Variants in TBX5 observed in about 807,000 individuals in gnomAD.
The protein encoded by TBX5 is T-box transcription factor TBX5.
A neutral mutation model predicts 51.1 loss-of-function variants in TBX5; 8 were observed. That is an observed-to-expected ratio of 0.16 (90% CI 0.09 to 0.28). The LOEUF (loss-of-function observed/expected upper bound fraction) is 0.28, where lower values mean the gene tolerates loss of function less well. Ranked by LOEUF, TBX5 falls within the 10% of genes least tolerant of loss-of-function variation. The probability of loss-of-function intolerance (pLI) is 1.00; values close to 1 mark genes in which losing one functional copy is unlikely to be tolerated. For synonymous variants in TBX5, 302 were observed against 266.4 expected (o/e 1.13, Z -1.30); for missense variants, 589 against 671.7 (o/e 0.88, Z 1.36).
chr12:114,396,024 G>A (rs1376357228), intron 5 of TBX5, among the ~76,000 whole-genome samples: 2 of 152,110 alleles, frequency 1.3e-5, no homozygotes, highest in Admixed American at 6.5e-5. Flanking sequence ...GCTTTTTCCC[G>A]GGAACTGCGG....
chr12:114,378,752 T>C (rs1870346038), intron 7 of TBX5, among the ~76,000 whole-genome samples: 1 of 152,128 alleles, frequency 6.6e-6, no homozygotes, highest in Non-Finnish European at 1.5e-5. Flanking sequence ...TGCTCCCACC[T>C]CAGACTCCCA....
chr12:114,382,908 T>C (rs529295649), intron 7 of TBX5, among the ~76,000 whole-genome samples: 1 of 147,180 alleles, frequency 6.8e-6, no homozygotes, highest in East Asian at 2.0e-4. Context: ...CCTGTGGATG[T>C]CAGGGCTGCA....
chr12:114,401,134 T>G (rs1565942172), intron 3 of TBX5, among the ~76,000 whole-genome samples: 1 of 152,144 alleles, frequency 6.6e-6, no homozygotes, highest in Non-Finnish European at 1.5e-5. Context: ...ACCACTCTCC[T>G]TCCTCCTCCC....
chr12:114,354,260 C>G lies in TBX5; in HGVS notation c.*1272G>C, dbSNP rs1243399134. ...TTGAGTATCAATAAAATTAAAAGCT[C>G]TTGGCCAGCTCCTATGCTGGGTTTC... On this transcript the variant is annotated 3_prime_UTR_variant, in exon 9 of 9. Coordinates refer to ENST00000405440, the MANE Select transcript of TBX5 (RefSeq NM_181486.4). The G allele has an allele frequency of 6.6e-6, 1 of 152,270 alleles. No individual in the cohort carries two copies. Among genetic ancestry groups the G allele is most frequent in the Non-Finnish European group, 1.5e-5 (1 of 68,004 alleles). The allele number at this position is 152,270 out of a possible 1,614,324, so 9.4% of individuals were successfully genotyped here.
rs1565927596 is a variant in TBX5, at chr12:114,366,155, T to C, written c.982+10A>G. On this transcript the variant is annotated intron_variant, in intron 8 of 8. Transcript: ENST00000405440. ...AAGAAAGCAAATTGACCAGGGGTGATCACACTCACCTTTCCTCTTGGTACA... is the reference window on the plus strand; with the variant it reads ...AAGAAAGCAAATTGACCAGGGGTGACCACACTCACCTTTCCTCTTGGTACA... The C allele has an allele frequency of 2.5e-6, 4 of 1,613,070 alleles. No homozygotes were observed. Among genetic ancestry groups the C allele is most frequent in the Non-Finnish European group, 3.4e-6 (4 of 1,179,020 alleles).
intron 6 of TBX5, among the ~76,000 whole-genome samples, chr12:114,391,451 A>G (rs971164099): frequency 6.6e-6 from 1 of 152,222 alleles, no homozygotes; most frequent in Non-Finnish European, 1.5e-5. Context: ...TAGTCAATCA[A>G]TGGTCCATCA....
At chr12:114,404,200 C>T (rs1213058115) in intron 1 of TBX5, among the ~76,000 whole-genome samples, 2 of 152,132 alleles carry the variant, frequency 1.3e-5, no homozygotes, top group Non-Finnish European at 2.9e-5. Context: ...GAAGGTGAGG[C>T]CCGCATCTCC....
chr12:114,402,335 G>A (rs906685935), intron 2 of TBX5, among the ~76,000 whole-genome samples: 1 of 151,904 alleles, frequency 6.6e-6, no homozygotes, highest in Non-Finnish European at 1.5e-5. Context: ...TGGGTGGGGG[G>A]GATAGATAAA....
Position 114,363,588 on chromosome 12 carries a change from T to G in TBX5, c.982+2577A>C, listed in dbSNP as rs550715075. 1.0e-3 allele frequency among the ~76,000 whole-genome samples: 156 copies of G among 152,302 alleles called. 1 individual carries two copies. Among genetic ancestry groups the G allele is most frequent in the African/African-American group, 3.6e-3 (150 of 41,566 alleles). On this transcript the variant is annotated intron_variant, in intron 8 of 8. Coordinates refer to ENST00000405440, the MANE Select transcript of TBX5 (RefSeq NM_181486.4). Reference sequence around the variant, plus strand: ...TTTGACCCAGTCTCAAAGACAGATCTTCAGTGGAAAATGAAATTTTGAGAT... The same window carrying G: ...TTTGACCCAGTCTCAAAGACAGATCGTCAGTGGAAAATGAAATTTTGAGAT...
At position 114,390,269 on chromosome 12, in the gene TBX5, C is replaced by G. The variant is rs533963019; in HGVS notation, c.663+4472G>C. Among the ~76,000 whole-genome samples the G allele has an allele frequency of 3.1e-4, 47 of 152,358 alleles. 1 individual carries two copies. Among genetic ancestry groups the G allele is most frequent in the Non-Finnish European group, 6.0e-4 (41 of 68,040 alleles). ...GTCAAAATATCTGTCCACTCACATA[C>G]TGTAACCATGTTTATAAAGTTCCCT... is the stretch of plus-strand genomic sequence containing the variant. On this transcript the variant is annotated intron_variant, in intron 6 of 8. Transcript: ENST00000405440.
chr12:114,377,618 G>A (rs141010257), intron 7 of TBX5, among the ~76,000 whole-genome samples: 2,435 of 142,670 alleles, frequency 0.017, 34 homozygotes, highest in South Asian at 0.043. Context: ...ATCTTCCTAC[G>A]TTGCTCTGGC....
intron 7 of TBX5, among the ~76,000 whole-genome samples, chr12:114,372,101 G>T (rs1321611752): frequency 2.6e-5 from 4 of 152,226 alleles, no homozygotes; most frequent in Non-Finnish European, 4.4e-5. Context: ...GGCTCCGACG[G>T]GTGGGAGGTG....
At chr12:114,390,240 G>A (rs1242084847) in intron 6 of TBX5, among the ~76,000 whole-genome samples, 3 of 152,216 alleles carry the variant, frequency 2.0e-5, no homozygotes, top group Non-Finnish European at 2.9e-5. Flanking sequence ...TACATTGTCT[G>A]CAGGTCAAAA....
rs2136416738 is a variant in TBX5 at position 114,398,629 on chromosome 12, G to C, written c.454C>G (p.Leu152Val). The change falls in exon 5 of 9, where the codon CTC (leucine) becomes GTC (valine). Residue 152 changes from leucine to valine, a missense_variant. Physicochemically the swap from Leu to Val is conservative, Grantham distance 32 (BLOSUM62 1). Around this residue, in one of 7 missense-constraint regions of TBX5, gnomAD observed 85 missense variants for 95.6 expected, o/e 0.89. Transcript: ENST00000405440. ...PATGAHWMRQ[L>V]VSFQKLKLTN... ...AGCTTGAGTTTCTGGAAGGAGACGA[G>C]CTGCCTCATCCAATGCGCCCCGGTG... 6.2e-7 allele frequency: 1 copy of C among 1,613,716 alleles called. No individual in the cohort carries two copies. Among genetic ancestry groups the C allele is most frequent in the Non-Finnish European group, 8.5e-7 (1 of 1,179,898 alleles).
At chr12:114,407,726 G>A, upstream of TBX5, 2 of 976,962 alleles carry the variant, frequency 2.0e-6, no homozygotes, top group Non-Finnish European at 2.4e-6. Context: ...AGAAGATTCA[G>A]CAAGACTAAG....
intron 8 of TBX5, among the ~76,000 whole-genome samples, chr12:114,356,789 A>G (rs1376426296): frequency 6.6e-6 from 1 of 152,176 alleles, no homozygotes; most frequent in Non-Finnish European, 1.5e-5. Flanking sequence ...TTTAATCACA[A>G]CAACCCTACC....
chr12:114,389,097 T>C (rs557895895), intron 6 of TBX5, among the ~76,000 whole-genome samples: 35 of 151,806 alleles, frequency 2.3e-4, no homozygotes, highest in Non-Finnish European at 3.8e-4. Flanking sequence ...CCTGGCTAAT[T>C]TTTGTATTTT....
intron 7 of TBX5, among the ~76,000 whole-genome samples, chr12:114,378,479 C>A (rs1021481992): frequency 1.3e-5 from 2 of 152,148 alleles, no homozygotes; most frequent in Non-Finnish European, 2.9e-5. Flanking sequence ...CACCTACCAG[C>A]GATCGAGCGT....
chr12:114,394,765 T>A lies in TBX5; in HGVS notation c.639A>T (p.Ala213=). 6.2e-7 allele frequency: 1 copy of A among 1,614,200 alleles called. No individual in the cohort carries two copies. Among genetic ancestry groups the A allele is most frequent in the Non-Finnish European group, 8.5e-7 (1 of 1,180,030 alleles). ...CCTTGTGGTTCTGGTAGGAAGTCAC[T>A]GCTATAAACGCAGTCTCAGGAAAGA... ...THVFPETAFI[A]VTSYQNHKIT... is the part of the protein sequence containing the mutation. The change falls in exon 6 of 9, where the codon GCA becomes GCT. Residue 213 remains alanine (A), a synonymous_variant. Transcript: ENST00000405440.
Sources: gnomAD v4.1 joint callset for allele counts (sites outside exome capture counted in the v4.1 genomes callset) on GRCh38, gnomAD v4.1.1 for gene constraint, gnomAD v4.1.1 regional missense constraint, MANE v1.5 for transcripts, NCBI Gene and HGNC (gene_info 2026-07-23, HGNC 2026-07-21) for gene names.